The following CCDC83 variants were observed in gnomAD, a reference collection of about 807,000 sequenced individuals.
CCDC83 encodes the protein coiled-coil domain containing 83.
CCDC83 carries 54 observed loss-of-function variants against 50.1 expected under a neutral mutation model. The observed-to-expected ratio is 1.08, with a 90% confidence interval of 0.87 to 1.35. The LOEUF (loss-of-function observed/expected upper bound fraction) is 1.35. Among genes scored for constraint, CCDC83 ranks in the 40% most tolerant of loss-of-function variants. The pLI is 0.00. For missense variants in CCDC83, 518 were observed against 473.9 expected (o/e 1.09, Z -0.86); for synonymous variants, 161 against 153.3 (o/e 1.05, Z -0.37).
chr11:85,862,989 G>A (rs372459547), intron 1 of CCDC83, among the ~76,000 whole-genome samples: 9 of 152,132 alleles, frequency 5.9e-5, no homozygotes, highest in Admixed American at 3.9e-4. Context: ...CTGCAGTTAG[G>A]TAAGTAATTA....
intron 7 of CCDC83, among the ~76,000 whole-genome samples, chr11:85,906,622 T>C (rs1329167535): frequency 2.0e-5 from 3 of 152,220 alleles, no homozygotes; most frequent in East Asian, 1.9e-4. Context: ...CTCCCACCTA[T>C]ACTACCAGCA....
chr11:85,919,450 TAA>T lies in CCDC83; in HGVS notation c.1184_1185del (p.Lys395ArgfsTer12). ...QEKEIPVKLY[K>X]DVRSPESHIT... is the part of the protein sequence containing the mutation. The stretch of plus-strand genomic sequence containing the variant: ...AGAAGGAAATTCCAGTCAAACTCTA[TAA>T]AGATGTCAGGAGCCCAGAAAGCCAC... On this transcript the variant is annotated frameshift_variant, in exon 11 of 11. Transcript: ENST00000342404. LOFTEE classifies it high-confidence loss of function. 1 of 1,613,018 alleles carries T rather than the reference TAA, an allele frequency of 6.2e-7. No homozygotes were observed. The highest frequency in any genetic ancestry group is 8.5e-7 in the Non-Finnish European group (1 of 1,179,142).
Position 85,875,936 on chromosome 11 carries a change from CT to C in CCDC83, c.180+2644del. On this transcript the variant is annotated intron_variant, in intron 3 of 10. Transcript: ENST00000342404. The stretch of plus-strand genomic sequence containing the variant: ...TCTACTTCCCTACTCTCCATTCATT[CT>C]TTCATTCCTACTATTCCACCACAAC... Among the ~76,000 whole-genome samples the C allele has an allele frequency of 2.0e-5, 3 of 152,354 alleles. 1 individual carries two copies. In the South Asian group the frequency reaches 6.2e-4, roughly 32 times the overall value.
At chr11:85,899,883 ATCCTACCTC>A (rs1215883636) in intron 7 of CCDC83, among the ~76,000 whole-genome samples, 1 of 152,186 alleles carries the variant, frequency 6.6e-6, no homozygotes, top group Non-Finnish European at 1.5e-5. Context: ...GGTAGGCTGC[ATCCTACCTC>A]TCCTGAGGGC....
intron 10 of CCDC83, among the ~76,000 whole-genome samples, chr11:85,918,849 T>G (rs570738756): frequency 5.3e-5 from 8 of 152,308 alleles, no homozygotes; most frequent in African/African-American, 1.9e-4. Flanking sequence ...ACCTCGCACT[T>G]TACAAAAGAT....
intron 10 of CCDC83, among the ~76,000 whole-genome samples, chr11:85,917,464 C>A (rs554476151): frequency 1.1e-4 from 16 of 152,250 alleles, no homozygotes; most frequent in African/African-American, 3.1e-4. Context: ...AAGAGAAGCA[C>A]TTGGGATAGG....
intron 8 of CCDC83, 33 bp downstream of exon 8, chr11:85,911,435 T>C (rs369317422): frequency 1.3e-6 from 2 of 1,506,900 alleles, no homozygotes; most frequent in Non-Finnish European, 8.9e-7. Flanking sequence ...GAGTATTTTG[T>C]AAACATTTGT....
In CCDC83 at chr11:85,886,197, C is replaced by A. The variant is rs1386908380; in HGVS notation, c.344-3C>A. ...AATGACACAGTGTCTTTATTTTCAACAGATATGCGCATGCAAATAAGTAAT... is the reference window on the plus strand; with the variant it reads ...AATGACACAGTGTCTTTATTTTCAAAAGATATGCGCATGCAAATAAGTAAT... On this transcript the variant is annotated splice_region_variant and splice_polypyrimidine_tract_variant and intron_variant, in intron 4 of 10. Transcript: ENST00000342404. The A allele has an allele frequency of 1.9e-6, 3 of 1,538,510 alleles. No individual in the cohort carries two copies. The highest frequency in any genetic ancestry group is 2.1e-5 in the Admixed American group (1 of 47,010).
chr11:85,909,070 A>G (rs139974248), intron 7 of CCDC83, among the ~76,000 whole-genome samples: 2,507 of 152,234 alleles, frequency 0.016, 30 homozygotes, highest in Middle Eastern at 0.048. Flanking sequence ...AGTAGTGGGG[A>G]CTACAGGTGC....
chr11:85,904,364 G>C (rs1286143570), intron 7 of CCDC83, among the ~76,000 whole-genome samples: 1 of 152,188 alleles, frequency 6.6e-6, no homozygotes, highest in Non-Finnish European at 1.5e-5. Context: ...GTAATAGAGA[G>C]TCATGGAATT....
At position 85,911,274 on chromosome 11, in the gene CCDC83, A is replaced by G; in HGVS notation, c.673-7A>G. On this transcript the variant is annotated splice_region_variant and splice_polypyrimidine_tract_variant and intron_variant, in intron 7 of 10. Transcript: ENST00000342404. ...TACCAACATTCATTCTCTTCTTCTG[A>G]GAACAGGTTGCAATTCACAGGAAGG... is the stretch of plus-strand genomic sequence containing the variant. 1.3e-6 allele frequency: 2 copies of G among 1,599,672 alleles called. No homozygotes were observed. Among genetic ancestry groups the G allele is most frequent in the Non-Finnish European group, 1.7e-6 (2 of 1,173,080 alleles).
chr11:85,900,678 CA>C (rs2093397180), intron 7 of CCDC83, among the ~76,000 whole-genome samples: 1 of 152,090 alleles, frequency 6.6e-6, no homozygotes, highest in East Asian at 1.9e-4. Flanking sequence ...AGTGAATTAA[CA>C]ACAAAATAAA....
intron 2 of CCDC83, among the ~76,000 whole-genome samples, chr11:85,871,026 G>T (rs542104159): frequency 6.6e-6 from 1 of 152,156 alleles, no homozygotes; most frequent in Admixed American, 6.5e-5. Flanking sequence ...AATTAGCTGG[G>T]TGTGGTGGCG....
chr11:85,868,661 A>T (rs536698860), intron 2 of CCDC83, among the ~76,000 whole-genome samples: 1 of 152,274 alleles, frequency 6.6e-6, no homozygotes, highest in Admixed American at 6.5e-5. Context: ...AAGTGCTGGG[A>T]TTACAGGTGT....
intron 2 of CCDC83, among the ~76,000 whole-genome samples, chr11:85,871,606 A>C (rs146902841): frequency 5.8e-4 from 89 of 152,368 alleles, no homozygotes; most frequent in African/African-American, 2.1e-3. Context: ...TTATGCTAGA[A>C]ACATTCACAT....
At chr11:85,881,453 TTCTC>T (rs1299250568) in intron 3 of CCDC83, among the ~76,000 whole-genome samples, 1 of 152,172 alleles carries the variant, frequency 6.6e-6, no homozygotes, top group Non-Finnish European at 1.5e-5. Flanking sequence ...AACTGGGTCT[TTCTC>T]TGTCACCCAA....
chr11:85,860,085 G>A (rs918365398), intron 1 of CCDC83, among the ~76,000 whole-genome samples: 8 of 152,052 alleles, frequency 5.3e-5, no homozygotes, highest in Non-Finnish European at 1.0e-4. Flanking sequence ...TCAGGAGATC[G>A]AGATAGTCCT....
At chr11:85,903,754 T>C (rs2093412839) in intron 7 of CCDC83, among the ~76,000 whole-genome samples, 1 of 152,194 alleles carries the variant, frequency 6.6e-6, no homozygotes, top group African/African-American at 2.4e-5. Context: ...AATTGTGTCT[T>C]ACCTGGTTTT....
At chr11:85,861,243 G>A (rs2093174463) in intron 1 of CCDC83, among the ~76,000 whole-genome samples, 2 of 152,218 alleles carry the variant, frequency 1.3e-5, no homozygotes, top group African/African-American at 2.4e-5. Flanking sequence ...ACATTATAGT[G>A]AGGTATGTGC....
Sources: allele counts gnomAD v4.1 joint callset (sites outside exome capture counted in the v4.1 genomes callset), GRCh38; gene constraint gnomAD v4.1.1; transcripts MANE v1.5; gene names NCBI Gene and HGNC (gene_info 2026-07-23, HGNC 2026-07-21).